The following MINDY2 variants were observed in gnomAD, a reference collection of about 807,000 sequenced individuals.
The protein encoded by MINDY2 is ubiquitin carboxyl-terminal hydrolase MINDY-2.
A neutral mutation model predicts 68.2 loss-of-function variants in MINDY2; 52 were observed. The ratio of observed to expected loss-of-function variants is 0.76; its 90% confidence interval spans 0.61 to 0.96. The LOEUF (loss-of-function observed/expected upper bound fraction) is 0.96. Ranked by LOEUF, MINDY2 falls within the 40% of genes least tolerant of loss-of-function variation. The pLI is 0.00. For missense variants in MINDY2, 881 were observed against 773.4 expected, an observed-to-expected ratio of 1.14 and a Z score of -1.65; for synonymous variants, 372 against 303.0, an observed-to-expected ratio of 1.23 and a Z score of -2.36.
intron 5 of MINDY2, among the ~76,000 whole-genome samples, chr15:58,829,312 G>T (rs1172624398): frequency 6.6e-6 from 1 of 152,162 alleles, no homozygotes; most frequent in Non-Finnish European, 1.5e-5. Context: ...TTATGGTTTT[G>T]GGAGAGATAT....
At position 58,772,151 on chromosome 15, in the gene MINDY2, A is replaced by G; in HGVS notation, c.756A>G (p.Glu252=). ...ACATCAAGTGGATCCAGTGGAAGGAAGAGAACACACCCATCATCACCCAGA... is the reference window on the plus strand; with the variant it reads ...ACATCAAGTGGATCCAGTGGAAGGAGGAGAACACACCCATCATCACCCAGA... ...VYHIKWIQWK[E]ENTPIITQNE... Residue 252 remains glutamate (E), a synonymous_variant, in exon 1 of 9, where the codon GAA becomes GAG. Coordinates refer to ENST00000559228, the MANE Select transcript of MINDY2 (RefSeq NM_001040450.3). 2 of 1,614,114 alleles carry G rather than the reference A, an allele frequency of 1.2e-6. No individual in the cohort carries two copies. Among genetic ancestry groups the G allele is most frequent in the Middle Eastern group, 1.6e-4 (1 of 6,062 alleles).
chr15:58,792,931 G>A (rs1902039019), intron 2 of MINDY2, among the ~76,000 whole-genome samples: 1 of 151,920 alleles, frequency 6.6e-6, no homozygotes, highest in Non-Finnish European at 1.5e-5. Context: ...GAACCCAGGA[G>A]TTTGAGACTG....
intron 6 of MINDY2, among the ~76,000 whole-genome samples, chr15:58,839,176 G>T (rs1392838739): frequency 6.6e-6 from 1 of 152,014 alleles, no homozygotes; most frequent in Non-Finnish European, 1.5e-5. Flanking sequence ...TTCTAGAGAT[G>T]TTTGAGCTGT....
intron 2 of MINDY2, among the ~76,000 whole-genome samples, chr15:58,793,079 T>C (rs1229339084): frequency 6.6e-6 from 1 of 152,186 alleles, no homozygotes; most frequent in Non-Finnish European, 1.5e-5. Flanking sequence ...TGCTTAGGGC[T>C]GGGGAAGAGA....
chr15:58,848,917 A>T (rs1337142238), intron 7 of MINDY2, among the ~76,000 whole-genome samples: 1 of 152,076 alleles, frequency 6.6e-6, no homozygotes, highest in Non-Finnish European at 1.5e-5. Context: ...TATTCTATAT[A>T]AAAAATACTG....
intron 6 of MINDY2, among the ~76,000 whole-genome samples, chr15:58,841,921 T>C (rs1030538891): frequency 1.3e-5 from 2 of 152,158 alleles, no homozygotes; most frequent in Admixed American, 6.6e-5. Flanking sequence ...ATTATACATA[T>C]GATCATGACT....
At chr15:58,817,408 T>A (rs139620455) in intron 4 of MINDY2, among the ~76,000 whole-genome samples, 2 of 152,294 alleles carry the variant, frequency 1.3e-5, no homozygotes, top group African/African-American at 4.8e-5. Flanking sequence ...TGTACATACA[T>A]CAGACTGGCT....
Position 58,854,658 on chromosome 15 carries a change from A to G in MINDY2, c.*48A>G, listed in dbSNP as rs372019523. ...CCACCTATATGTCTTGAGAAACAAA[A>G]CCACAGGAGGAAAGGAAGAAAAACC... On this transcript the variant is annotated 3_prime_UTR_variant, in exon 9 of 9. Coordinates refer to ENST00000559228, the MANE Select transcript of MINDY2 (RefSeq NM_001040450.3). The G allele has an allele frequency of 7.0e-4, 1,101 of 1,562,034 alleles. 1 individual carries two copies. The highest frequency in any genetic ancestry group is 9.1e-4 in the South Asian group (77 of 84,640).
intron 6 of MINDY2, among the ~76,000 whole-genome samples, chr15:58,837,050 T>C (rs2032028567): frequency 6.6e-6 from 1 of 152,184 alleles, no homozygotes; most frequent in Non-Finnish European, 1.5e-5. Context: ...GGAATACTTT[T>C]AAAATACTAA....
At chr15:58,845,421 A>G (rs1413133536) in intron 6 of MINDY2, among the ~76,000 whole-genome samples, 3 of 152,156 alleles carry the variant, frequency 2.0e-5, no homozygotes, top group Admixed American at 6.5e-5. Context: ...AAAAAGATAA[A>G]CAAATGGCAG....
In MINDY2 at chr15:58,833,246, CACTTT is replaced by C. The variant is rs144781721; in HGVS notation, c.1368+1335_1368+1339del. Among the ~76,000 whole-genome samples the C allele has an allele frequency of 7.5e-3, 1,142 of 152,332 alleles. 8 individuals carry two copies. Among genetic ancestry groups the C allele is most frequent in the African/African-American group, 0.025 (1,052 of 41,578 alleles). The stretch of plus-strand genomic sequence containing the variant: ...ATACAAGATATGTTCTATTTGCCAA[CACTTT>C]ACTTCAGCCAAAATGGTGTCTATTC... On this transcript the variant is annotated intron_variant, in intron 6 of 8. Coordinates refer to ENST00000559228, the MANE Select transcript of MINDY2 (RefSeq NM_001040450.3).
At chr15:58,789,910 G>T (rs1430506968) in intron 2 of MINDY2, among the ~76,000 whole-genome samples, 3 of 152,096 alleles carry the variant, frequency 2.0e-5, no homozygotes, top group African/African-American at 7.2e-5. Context: ...GCCTCCCAAA[G>T]TGCTGGGATT....
In MINDY2 at chr15:58,861,104, G is replaced by C. The variant is rs661367; in HGVS notation, c.*6494G>C. 6.6e-6 allele frequency: 1 copy of C among 152,132 alleles called. No individual in the cohort carries two copies. The highest frequency in any genetic ancestry group is 2.4e-5 in the African/African-American group (1 of 41,382). 9.4% of individuals were successfully genotyped at this position (152,132 alleles called of 1,614,324 possible). ...GAAAGTCATTTCCTAAAGCTAGTGCGTGTGAATCTTTTCCTTGAATTGTGC... is the reference window on the plus strand; with the variant it reads ...GAAAGTCATTTCCTAAAGCTAGTGCCTGTGAATCTTTTCCTTGAATTGTGC... On this transcript the variant is annotated 3_prime_UTR_variant, in exon 9 of 9. Transcript: ENST00000559228.
At position 58,771,962 on chromosome 15, in the gene MINDY2, C is replaced by G. The variant is rs779497209; in HGVS notation, c.567C>G (p.Cys189Trp). 5.1e-6 allele frequency: 8 copies of G among 1,562,544 alleles called. No individual in the cohort carries two copies. The highest frequency in any genetic ancestry group is 6.9e-6 in the Non-Finnish European group (8 of 1,156,402). Residue 189 changes from cysteine (C) to tryptophan (W), a missense_variant, in exon 1 of 9, where the codon TGC becomes TGG. Coordinates refer to ENST00000559228, the MANE Select transcript of MINDY2 (RefSeq NM_001040450.3). ...FSNLHSFPSS[C>W]EFNSEEGAEN... is the part of the protein sequence containing the mutation. ...ACCTGCATTCTTTTCCCAGTAGCTG[C>G]GAGTTCAATAGTGAGGAGGGAGCGG...
rs761928488 is a variant in MINDY2 at position 58,831,936 on chromosome 15, A to T, written c.1368+20A>T. 1.9e-6 allele frequency: 3 copies of T among 1,595,702 alleles called. No individual in the cohort carries two copies. The highest frequency in any genetic ancestry group is 2.6e-6 in the Non-Finnish European group (3 of 1,173,142). ...TACAAGGTATGATATAGAAATAGCTATTTAATCGTGATTCTAAATCAAAGG... is the reference window on the plus strand; with the variant it reads ...TACAAGGTATGATATAGAAATAGCTTTTTAATCGTGATTCTAAATCAAAGG... On this transcript the variant is annotated intron_variant, in intron 6 of 8. Coordinates refer to ENST00000559228, the MANE Select transcript of MINDY2 (RefSeq NM_001040450.3).
In MINDY2 at chr15:58,771,393, G is replaced by T; in HGVS notation, c.-3G>T. 6.2e-7 allele frequency: 1 copy of T among 1,604,948 alleles called. No homozygotes were observed. Among genetic ancestry groups the T allele is most frequent in the Non-Finnish European group, 8.5e-7 (1 of 1,177,076 alleles). ...CCATAGAGCTGGGGGCGGGCGGCCC[G>T]GTATGGAGAGCAGCCCCGAGAGCCT... is the stretch of plus-strand genomic sequence containing the variant. On this transcript the variant is annotated 5_prime_UTR_variant, in exon 1 of 9. Transcript: ENST00000559228.
chr15:58,779,581 CA>C (rs1261043705), intron 1 of MINDY2, among the ~76,000 whole-genome samples: 1 of 152,182 alleles, frequency 6.6e-6, no homozygotes, highest in Non-Finnish European at 1.5e-5. Flanking sequence ...GATGGTGAGC[CA>C]AAGGTTCCAT....
rs756945687 is a variant in MINDY2, at chr15:58,771,801, G to C, written c.406G>C (p.Ala136Pro). The change falls in exon 1 of 9, where the codon GCC becomes CCC. Residue 136 changes from alanine (A) to proline (P), a missense_variant. Coordinates refer to ENST00000559228, the MANE Select transcript of MINDY2 (RefSeq NM_001040450.3). ...AGDAGARPDL[A>P]GTCQAELTAA... is the part of the protein sequence containing the mutation. ...AGACGCGGGAGCCCGCCCGGATCTC[G>C]CCGGCACCTGCCAAGCAGAACTGAC... 43 of 1,609,400 alleles carry C rather than the reference G, an allele frequency of 2.7e-5. No homozygotes were observed. In the Admixed American group the frequency reaches 7.2e-4, roughly 27 times the overall value.
Position 58,810,334 on chromosome 15 carries a change from A to G in MINDY2, c.1068A>G (p.Ile356Met). Residue 356 changes from isoleucine (I) to methionine (M), a missense_variant, in exon 4 of 9, where the codon ATA becomes ATG. Transcript: ENST00000559228. ...TGTTTGAATATACACCAGAATGCAT[A>G]GTATTTGATCTTCTTGATATTCCTT... ...VRVFEYTPECIVFDLLDIPLY... is the reference protein window; with the variant it reads ...VRVFEYTPECMVFDLLDIPLY... 2 of 1,613,656 alleles carry G rather than the reference A, an allele frequency of 1.2e-6. No individual in the cohort carries two copies. Among genetic ancestry groups the G allele is most frequent in the Non-Finnish European group, 1.7e-6 (2 of 1,179,854 alleles).
Sources: allele counts gnomAD v4.1 joint callset (sites outside exome capture counted in the v4.1 genomes callset), GRCh38; gene constraint gnomAD v4.1.1; transcripts MANE v1.5; gene names NCBI Gene and HGNC (gene_info 2026-07-23, HGNC 2026-07-21).